The following RYR1 variants were observed in gnomAD, a reference collection of about 807,000 sequenced individuals.
RYR1 encodes the protein central core disease of muscle.
Under a neutral mutation model 583.5 loss-of-function variants are expected in RYR1, and 342 were observed. The observed-to-expected ratio is 0.59, with a 90% CI of 0.54 to 0.64. RYR1 has a LOEUF of 0.64. Ranked by LOEUF, RYR1 falls within the 30% of genes least tolerant of loss-of-function variation. The pLI is 0.00. For missense variants in RYR1, 6,032 were observed against 6,917.2 expected, an observed-to-expected ratio of 0.87 and a Z score of 4.54; for synonymous variants, 2,791 against 2,822.5, an observed-to-expected ratio of 0.99 and a Z score of 0.35.
intron 99 of RYR1, among the ~76,000 whole-genome samples, chr19:38,578,561 G>C (rs1452338828): frequency 2.6e-5 from 4 of 152,184 alleles, no homozygotes; most frequent in Non-Finnish European, 1.5e-5. Flanking sequence ...GGCTGGGCGT[G>C]CTGGCTTACG....
In RYR1 at chr19:38,467,593, C is replaced by T. The variant is rs1968175224; in HGVS notation, c.3179-17C>T. On this transcript the variant is annotated splice_polypyrimidine_tract_variant and intron_variant, in intron 24 of 105. Coordinates refer to ENST00000359596, the MANE Select transcript of RYR1 (RefSeq NM_000540.3). ...ATCTTCCCTAGCCTCTCTGACTCTG[C>T]CTGGCCTCATTTATAGGTCAGGTGG... 4.3e-6 allele frequency: 7 copies of T among 1,613,964 alleles called. No homozygotes were observed. The South Asian group carries it at 4.4e-5, about 10-fold the overall frequency.
chr19:38,565,612 G>T lies in RYR1; in HGVS notation c.13278G>T (p.Val4426=). The change falls in exon 91 of 106, where the codon GTG becomes GTT. Residue 4426 remains valine, a synonymous_variant. Coordinates refer to ENST00000359596, the MANE Select transcript of RYR1 (RefSeq NM_000540.3). This position sits in a 1 kb window ranked among gnomAD's most constrained non-coding sequence, Gnocchi z 4.7. ...GCGCTGGAGACGAGGAGGAGGCGGT[G>T]CACGAGGCCGGGCCGGGCGGTGCCG... The part of the protein sequence containing the change: ...AEGAGDEEEA[V]HEAGPGGADG... 7.0e-7 allele frequency: 1 copy of T among 1,435,254 alleles called. No homozygotes were observed. The highest frequency in any genetic ancestry group is 1.4e-5 in the South Asian group (1 of 69,068). The allele number at this position is 1,435,254 out of a possible 1,614,324, so 88.9% of individuals were successfully genotyped here.
chr19:38,481,518 T>G (rs2145519588), intron 31 of RYR1, among the ~76,000 whole-genome samples: 1 of 152,242 alleles, frequency 6.6e-6, no homozygotes, highest in South Asian at 2.1e-4. Flanking sequence ...CCTCCATTCC[T>G]TCTTCTTTCC....
At chr19:38,523,160 C>A (rs1421664630) in intron 68 of RYR1, 45 bp downstream of exon 68, 4 of 1,613,970 alleles carry the variant, frequency 2.5e-6, no homozygotes, top group Non-Finnish European at 3.4e-6. Flanking sequence ...AGAGGAGCCG[C>A]AGCCCACAGG....
intron 30 of RYR1, 39 bp from the exon 31 acceptor site, chr19:38,478,396 T>C: frequency 6.2e-7 from 1 of 1,608,766 alleles, no homozygotes; most frequent in Non-Finnish European, 8.5e-7. Context: ...CCAGAGCTAC[T>C]CACATGAGGA....
rs140808099 is a variant in RYR1, at chr19:38,575,911, C to G, written c.14130-8C>G. On this transcript the variant is annotated splice_region_variant and splice_polypyrimidine_tract_variant and intron_variant, in intron 96 of 105. Coordinates refer to ENST00000359596, the MANE Select transcript of RYR1 (RefSeq NM_000540.3). Reference sequence around the variant, plus strand: ...TTATACTCACGCTTTCTCTCTCTCTCTCTGCAGGTCTTTCCCTAGCAACTA... The same window carrying G: ...TTATACTCACGCTTTCTCTCTCTCTGTCTGCAGGTCTTTCCCTAGCAACTA... 849 of 1,614,178 alleles carry G rather than the reference C, an allele frequency of 5.3e-4. 2 individuals are homozygous for G. In the African/African-American group the frequency reaches 9.2e-3, roughly 18 times the overall value.
rs538327950 is a variant in RYR1, at chr19:38,529,699, A to G, written c.11141+642A>G. Among the ~76,000 whole-genome samples, 4 of 152,298 alleles carry G rather than the reference A, an allele frequency of 2.6e-5. No individual in the cohort carries two copies. The South Asian group carries it at 8.3e-4, about 32-fold the overall frequency. On this transcript the variant is annotated intron_variant, in intron 76 of 105. Coordinates refer to ENST00000359596, the MANE Select transcript of RYR1 (RefSeq NM_000540.3). ...GTATGACAAATTTCCAACAGACAGA[A>G]GTAGTGGGGAGGTTTTCTGTAATTC...
chr19:38,586,722 AC>A, intron 105 of RYR1, 146 bp downstream of exon 105: 1 of 778,508 alleles, frequency 1.3e-6, no homozygotes, highest in Non-Finnish European at 2.2e-6. Context: ...TGTAATCCCA[AC>A]ACTTTGGGAG....
At chr19:38,435,767 G>A (rs949108038) in intron 1 of RYR1, among the ~76,000 whole-genome samples, 5 of 152,062 alleles carry the variant, frequency 3.3e-5, no homozygotes, top group African/African-American at 1.2e-4. Context: ...ACCACATCCC[G>A]CCCATAAGAA....
rs558646946 is a variant in RYR1, at chr19:38,441,535, G to T, written c.165+671G>T. 1.2e-3 allele frequency among the ~76,000 whole-genome samples: 178 copies of T among 151,462 alleles called. 2 individuals are homozygous for T. The highest frequency in any genetic ancestry group is 4.1e-3 in the African/African-American group (171 of 41,242). On this transcript the variant is annotated intron_variant, in intron 2 of 105. Coordinates refer to ENST00000359596, the MANE Select transcript of RYR1 (RefSeq NM_000540.3). Reference sequence around the variant, plus strand: ...CCGAGCTCGGGAATTCTGAGGGTGGGGGCAGCTGGAGTCTGAGAGGGCAGG... The same window carrying T: ...CCGAGCTCGGGAATTCTGAGGGTGGTGGCAGCTGGAGTCTGAGAGGGCAGG...
chr19:38,523,424 T>G, intron 69 of RYR1, 115 bp downstream of exon 69: 7 of 1,167,718 alleles, frequency 6.0e-6, no homozygotes, highest in Non-Finnish European at 8.9e-6. Flanking sequence ...ATCCCTGCAG[T>G]CCTCAGAGCA....
Position 38,502,866 on chromosome 19 carries a change from G to T in RYR1, c.7836-14G>T, listed in dbSNP as rs960439221. 3 of 1,608,642 alleles carry T rather than the reference G, an allele frequency of 1.9e-6. No homozygotes were observed. Among genetic ancestry groups the T allele is most frequent in the African/African-American group, 2.7e-5 (2 of 74,642 alleles). On this transcript the variant is annotated splice_polypyrimidine_tract_variant and intron_variant, in intron 48 of 105. Coordinates refer to ENST00000359596, the MANE Select transcript of RYR1 (RefSeq NM_000540.3). ...CTGGACGGGGGATTCTACATCTTGT[G>T]CATTGTCCCGCAGGTACATCCGCCC... is the stretch of plus-strand genomic sequence containing the variant.
chr19:38,584,237 C>A (rs1197160030), intron 101 of RYR1, among the ~76,000 whole-genome samples: 1 of 149,090 alleles, frequency 6.7e-6, no homozygotes, highest in Non-Finnish European at 1.5e-5. Flanking sequence ...CCCCTCCCAT[C>A]CTCGCCCTCA....
At chr19:38,523,811 G>T (rs896600327) in intron 69 of RYR1, 104 bp from the exon 70 acceptor site, 2 of 1,461,806 alleles carry the variant, frequency 1.4e-6, no homozygotes, top group Non-Finnish European at 9.6e-7. Flanking sequence ...TACATGGCGG[G>T]TGGGGCAGAG....
intron 27 of RYR1, among the ~76,000 whole-genome samples, chr19:38,472,537 A>T (rs888600872): frequency 8.5e-5 from 13 of 152,160 alleles, no homozygotes; most frequent in African/African-American, 3.1e-4. Context: ...CCGGATTCCC[A>T]TCCGAAGCAA....
At chr19:38,450,957 G>T (rs755507172) in intron 11 of RYR1, among the ~76,000 whole-genome samples, 3 of 152,162 alleles carry the variant, frequency 2.0e-5, no homozygotes, top group Non-Finnish European at 4.4e-5. Context: ...AGGAAACTCT[G>T]CCGAGGACTC....
chr19:38,510,870 G>A, intron 60 of RYR1, 89 bp downstream of exon 60: 1 of 1,579,490 alleles, frequency 6.3e-7, no homozygotes, highest in Admixed American at 1.7e-5. Flanking sequence ...GGTGCTGGGT[G>A]TTGGGTACTG....
intron 72 of RYR1, 40 bp from the exon 73 acceptor site, chr19:38,527,607 A>T (rs370676565): frequency 5.0e-4 from 806 of 1,612,338 alleles, no homozygotes; most frequent in Non-Finnish European, 5.7e-4. Flanking sequence ...CACTGTGGGA[A>T]GGGTCCCTCA....
At chr19:38,488,482 A>G (rs546683850) in intron 34 of RYR1, among the ~76,000 whole-genome samples, 33 of 151,752 alleles carry the variant, frequency 2.2e-4, no homozygotes, top group African/African-American at 7.7e-4. Flanking sequence ...TTACTTCCAT[A>G]TGTTAGCATC....
Sources: gnomAD v4.1 joint callset for allele counts (sites outside exome capture counted in the v4.1 genomes callset) on GRCh38, gnomAD v4.1.1 for gene constraint, Gnocchi (gnomAD v3.1) non-coding constraint, MANE v1.5 for transcripts, NCBI Gene and HGNC (gene_info 2026-07-23, HGNC 2026-07-21) for gene names.